SV2B: variants seen among roughly 807,000 people sequenced by gnomAD.
The protein encoded by SV2B is synaptic vesicle glycoprotein 2B.
In SV2B, 41 loss-of-function variants were observed where a neutral mutation model predicts 73.9. The ratio of observed to expected loss-of-function variants is 0.56; its 90% confidence interval spans 0.43 to 0.72. SV2B has a LOEUF of 0.72. Ranked by LOEUF, SV2B falls within the 30% of genes least tolerant of loss-of-function variation. SV2B has a pLI of 0.00. For missense variants in SV2B, 764 were observed against 857.8 expected (o/e 0.89, Z 1.37); for synonymous variants, 314 against 314.2 (o/e 1.00, Z 0.01).
chr15:91,135,690 G>A (rs937067774), intron 1 of SV2B, among the ~76,000 whole-genome samples: 3 of 152,148 alleles, frequency 2.0e-5, no homozygotes, highest in Non-Finnish European at 4.4e-5. Flanking sequence ...AGGAACCAGC[G>A]TTTACTGAGC....
chr15:91,129,583 C>T lies in SV2B; in HGVS notation c.-392+29220C>T, dbSNP rs959518008. On this transcript the variant is annotated intron_variant, in intron 1 of 12. Coordinates refer to ENST00000394232, the MANE Select transcript of SV2B (RefSeq NM_001323032.3). This position sits in a 1 kb window ranked among gnomAD's most constrained non-coding sequence, Gnocchi z 5.1. ...GGTCACATGTGCCCAGCACAGCACA[C>T]TGGGCACAGACTAGGACTGCATCTG... is the stretch of plus-strand genomic sequence containing the variant. Among the ~76,000 whole-genome samples, 3 of 152,198 alleles carry T rather than the reference C, an allele frequency of 2.0e-5. No individual in the cohort carries two copies. Among genetic ancestry groups the T allele is most frequent in the African/African-American group, 7.2e-5 (3 of 41,458 alleles).
chr15:91,173,910 CTCTA>C (rs2044211954), intron 1 of SV2B, among the ~76,000 whole-genome samples: 1 of 152,176 alleles, frequency 6.6e-6, no homozygotes, highest in Non-Finnish European at 1.5e-5. Context: ...CCTTTTTCTT[CTCTA>C]TCTGAGGGTT....
At chr15:91,143,158 G>A (rs1424287774) in intron 1 of SV2B, among the ~76,000 whole-genome samples, 2 of 152,204 alleles carry the variant, frequency 1.3e-5, no homozygotes, top group Admixed American at 6.5e-5. Context: ...ACTGGAGGAC[G>A]GCTTGGTTGG....
intron 1 of SV2B, among the ~76,000 whole-genome samples, chr15:91,202,111 C>T (rs1031215430): frequency 1.1e-4 from 16 of 152,190 alleles, no homozygotes; most frequent in African/African-American, 3.1e-4. Context: ...CATGAGATCT[C>T]TCCTCACTTC....
rs190930547 is a variant in SV2B, at chr15:91,139,825, C to T, written c.-392+39462C>T. The stretch of plus-strand genomic sequence containing the variant: ...ACAGGCGTCAGTTGGTTGTAAAAGA[C>T]GTAAACTAAGATTGTCCTGGAGAAA... On this transcript the variant is annotated intron_variant, in intron 1 of 12. Transcript: ENST00000394232. The surrounding 1 kb of genome is among the most constrained non-coding windows in gnomAD (Gnocchi z 5.2). 2.6e-4 allele frequency among the ~76,000 whole-genome samples: 39 copies of T among 152,264 alleles called. No homozygotes were observed. The highest frequency in any genetic ancestry group is 7.8e-4 in the Admixed American group (12 of 15,302).
intron 4 of SV2B, among the ~76,000 whole-genome samples, chr15:91,255,231 A>G (rs2047642519): frequency 6.6e-6 from 1 of 152,226 alleles, no homozygotes; most frequent in South Asian, 2.1e-4. Flanking sequence ...GGTTGGGGAC[A>G]TGTTGACCAA....
intron 1 of SV2B, among the ~76,000 whole-genome samples, chr15:91,154,723 G>C (rs1222121870): frequency 6.6e-6 from 1 of 152,176 alleles, no homozygotes; most frequent in Non-Finnish European, 1.5e-5. Context: ...CAGAAGTAGA[G>C]ATTGGAGCAA....
At chr15:91,190,298 A>C (rs374193824) in intron 1 of SV2B, among the ~76,000 whole-genome samples, 1 of 151,570 alleles carries the variant, frequency 6.6e-6, no homozygotes, top group African/African-American at 2.4e-5. Flanking sequence ...TCATTCATCA[A>C]TAGTGATCAT....
chr15:91,189,410 G>A (rs568477298), intron 1 of SV2B, among the ~76,000 whole-genome samples: 6 of 152,022 alleles, frequency 3.9e-5, no homozygotes, highest in African/African-American at 1.2e-4. Context: ...GCATTGCACC[G>A]TGGTTTTGTT....
At chr15:91,159,575 A>G (rs2043636929) in intron 1 of SV2B, among the ~76,000 whole-genome samples, 1 of 152,248 alleles carries the variant, frequency 6.6e-6, no homozygotes, top group South Asian at 2.1e-4. Flanking sequence ...GAGAGGATTA[A>G]GAAACATTGG....
chr15:91,231,978 A>G lies in SV2B; in HGVS notation c.451+5264A>G, dbSNP rs1156830974. ...AATTTTCATAGCAGCTCAGAGATAG[A>G]TATATTACTCTGCTGTCGTGAAAGA... On this transcript the variant is annotated intron_variant, in intron 2 of 12. Transcript: ENST00000394232. The surrounding 1 kb of genome is among the most constrained non-coding windows in gnomAD (Gnocchi z 4.5). Among the ~76,000 whole-genome samples the G allele has an allele frequency of 6.6e-6, 1 of 152,142 alleles. No individual in the cohort carries two copies. The highest frequency in any genetic ancestry group is 1.5e-5 in the Non-Finnish European group (1 of 68,036).
At position 91,284,023 on chromosome 15, in the gene SV2B, C is replaced by T. The variant is rs1370512143; in HGVS notation, c.1510C>T (p.Leu504Phe). Reference sequence around the variant, plus strand: ...CGAAGGTTTCCTTCTCTCCCCAGACCTCTACGAGCACAAGTTCATCAACTG... The same window carrying T: ...CGAAGGTTTCCTTCTCTCCCCAGACTTCTACGAGCACAAGTTCATCAACTG... Reference protein sequence around the residue: ...IESTIFYNTDLYEHKFINCRF... With the variant: ...IESTIFYNTDFYEHKFINCRF... The change falls in exon 11 of 13, where the codon CTC becomes TTC. Residue 504 changes from leucine to phenylalanine, a missense_variant and splice_region_variant. Physicochemically the swap from Leu to Phe is conservative, Grantham distance 22. Coordinates refer to ENST00000394232, the MANE Select transcript of SV2B (RefSeq NM_001323032.3). This position sits in a 1 kb window ranked among gnomAD's most constrained non-coding sequence, Gnocchi z 4.5. The T allele has an allele frequency of 6.2e-7, 1 of 1,614,172 alleles. No individual in the cohort carries two copies. The highest frequency in any genetic ancestry group is 8.5e-7 in the Non-Finnish European group (1 of 1,180,024).
chr15:91,180,673 A>G (rs1247394387), intron 1 of SV2B, among the ~76,000 whole-genome samples: 3 of 152,268 alleles, frequency 2.0e-5, no homozygotes, highest in African/African-American at 7.2e-5. Flanking sequence ...CCTTTCTTCC[A>G]GTTGATCGCA....
chr15:91,292,740 G>T lies in SV2B; in HGVS notation c.*188G>T. The T allele has an allele frequency of 1.6e-6, 1 of 644,068 alleles. No homozygotes were observed. The highest frequency in any genetic ancestry group is 1.9e-5 in the African/African-American group (1 of 53,962). 39.9% of individuals were successfully genotyped at this position (644,068 alleles called of 1,614,324 possible). On this transcript the variant is annotated 3_prime_UTR_variant, in exon 13 of 13. Transcript: ENST00000394232. ...TTGTAACTCAGGTGACTGATTTGGG[G>T]GTGCCCTGAGCCACCCTTAGAATCA... is the stretch of plus-strand genomic sequence containing the variant.
At chr15:91,156,245 G>A (rs1200282686) in intron 1 of SV2B, among the ~76,000 whole-genome samples, 1 of 152,162 alleles carries the variant, frequency 6.6e-6, no homozygotes, top group Non-Finnish European at 1.5e-5. Flanking sequence ...TGTAAGGAAA[G>A]GGTATAGATA....
At chr15:91,138,659 G>A (rs2042914192) in intron 1 of SV2B, among the ~76,000 whole-genome samples, 1 of 151,982 alleles carries the variant, frequency 6.6e-6, no homozygotes, top group African/African-American at 2.4e-5. Flanking sequence ...TATTTATATA[G>A]CATTTACATT....
rs1475605245 is a variant in SV2B at position 91,123,020 on chromosome 15, C to T, written c.-392+22657C>T. ...GTGTGCTGACTCACTCCTGTAATCC[C>T]AACACTTTGGGAGGCTGAGGTGGGA... On this transcript the variant is annotated intron_variant, in intron 1 of 12. Coordinates refer to ENST00000394232, the MANE Select transcript of SV2B (RefSeq NM_001323032.3). The surrounding 1 kb of genome is among the most constrained non-coding windows in gnomAD (Gnocchi z 4.7). Among the ~76,000 whole-genome samples, 3 of 152,180 alleles carry T rather than the reference C, an allele frequency of 2.0e-5. No individual in the cohort carries two copies. The highest frequency in any genetic ancestry group is 7.2e-5 in the African/African-American group (3 of 41,444).
Position 91,258,162 on chromosome 15 carries a change from G to A in SV2B, c.785-259G>A, listed in dbSNP as rs541218968. ...CCTGGACCTGGGGATTTGTCAGAAT[G>A]CAGAATTCCTGGGGATTTGTCAGAA... On this transcript the variant is annotated intron_variant, in intron 4 of 12. Coordinates refer to ENST00000394232, the MANE Select transcript of SV2B (RefSeq NM_001323032.3). This position sits in a 1 kb window ranked among gnomAD's most constrained non-coding sequence, Gnocchi z 4.7. Among the ~76,000 whole-genome samples, 38 of 152,294 alleles carry A rather than the reference G, an allele frequency of 2.5e-4. No individual in the cohort carries two copies. The highest frequency in any genetic ancestry group is 9.2e-4 in the Admixed American group (14 of 15,298).
intron 1 of SV2B, among the ~76,000 whole-genome samples, chr15:91,146,493 A>G (rs2043151304): frequency 6.6e-6 from 1 of 150,712 alleles, no homozygotes; most frequent in Non-Finnish European, 1.5e-5. Flanking sequence ...TGTCAACGGT[A>G]GTTTAATAGG....
Sources: allele counts gnomAD v4.1 joint callset (sites outside exome capture counted in the v4.1 genomes callset), GRCh38; gene constraint gnomAD v4.1.1; non-coding constraint Gnocchi (gnomAD v3.1); transcripts MANE v1.5; gene names NCBI Gene and HGNC (gene_info 2026-07-23, HGNC 2026-07-21).